The following MUC5AC variants were observed in gnomAD, a reference collection of about 807,000 sequenced individuals.
The protein encoded by MUC5AC is mucin 5AC, oligomeric mucus/gel-forming.
Under a neutral mutation model 169.7 loss-of-function variants are expected in MUC5AC, and 158 were observed. The ratio of observed to expected loss-of-function variants is 0.93; its 90% CI spans 0.82 to 1.06. MUC5AC has a LOEUF of 1.06. Among genes scored for constraint, MUC5AC ranks in the 50% least tolerant of loss-of-function variants. The pLI, the probability that MUC5AC is intolerant of heterozygous loss-of-function variation, is 0.00. For missense variants in MUC5AC, 4,359 were observed against 3,089.9 expected, an observed-to-expected ratio of 1.41 and a Z score of -9.74; for synonymous variants, 1,975 against 1,237.0, an observed-to-expected ratio of 1.60 and a Z score of -12.52.
rs1860904136 is a variant in MUC5AC, at chr11:1,185,118, A to C, written c.6973A>C (p.Thr2325Pro). The C allele has an allele frequency of 1.4e-6, 1 of 717,244 alleles. No individual in the cohort carries two copies. Among genetic ancestry groups the C allele is most frequent in the Admixed American group, 1.9e-5 (1 of 52,536 alleles). 44.4% of individuals were successfully genotyped at this position (717,244 alleles called of 1,614,324 possible). Residue 2325 changes from threonine to proline, a missense_variant, in exon 31 of 49, where the codon ACC (threonine) becomes CCC (proline). Physicochemically the swap from Thr to Pro is conservative, Grantham distance 38. Transcript: ENST00000621226. The part of the protein sequence containing the change: ...STISAPTTSI[T>P]SAPTTSTTSA... ...AATCTCTGCTCCTACAACTAGCATAACCTCTGCCCCTACAACCAGCACAAC... is the reference window on the plus strand; with the variant it reads ...AATCTCTGCTCCTACAACTAGCATACCCTCTGCCCCTACAACCAGCACAAC...
chr11:1,158,341 C>T (rs147593699), intron 1 of MUC5AC, among the ~76,000 whole-genome samples: 1,616 of 152,328 alleles, frequency 0.011, 10 homozygotes, highest in Non-Finnish European at 0.017. Flanking sequence ...CTTTCCCTCC[C>T]GGCCCGGATC....
rs1438022986 is a variant in MUC5AC, at chr11:1,185,816, C to T, written c.7671C>T (p.Thr2557=). The part of the protein sequence containing the change: ...STTSAPISST[T]SATTTSTTSG... ...CCTCTGCCCCTATAAGCAGCACAACCTCTGCCACTACAACCAGCACAACCT... is the reference window on the plus strand; with the variant it reads ...CCTCTGCCCCTATAAGCAGCACAACTTCTGCCACTACAACCAGCACAACCT... Residue 2557 remains threonine (T), a synonymous_variant, in exon 31 of 49, where the codon ACC becomes ACT. Transcript: ENST00000621226. 9 of 746,624 alleles carry T rather than the reference C, an allele frequency of 1.2e-5. No homozygotes were observed. The African/African-American group carries it at 1.5e-4, about 13-fold the overall frequency. 46.2% of individuals were successfully genotyped at this position (746,624 alleles called of 1,614,324 possible). A position where few individuals can be genotyped will look rare whatever the true frequency, so the allele number is the denominator to read the frequency against.
intron 15 of MUC5AC, 113 bp downstream of exon 15, chr11:1,169,139 G>A (rs1440717316): frequency 4.2e-6 from 6 of 1,416,704 alleles, no homozygotes; most frequent in East Asian, 2.6e-5. Flanking sequence ...GAGCCGGGTG[G>A]GGTGGCTCAC....
chr11:1,200,649 G>A lies in MUC5AC; in HGVS notation c.16912G>A (p.Glu5638Lys), dbSNP rs1159459483. Residue 5638 changes from glutamate to lysine, a missense_variant, in exon 49 of 49, where the codon GAG (glutamate) becomes AAG (lysine). Physicochemically the swap from Glu to Lys is moderately conservative, Grantham distance 56 (BLOSUM62 1). Coordinates refer to ENST00000621226, the MANE Select transcript of MUC5AC (RefSeq NM_001304359.2). ...GGAGGCGGAACCCGAGCCCAGCCAGGAGGCAGAGAGTGGGAGCTGGGAGAG... is the reference window on the plus strand; with the variant it reads ...GGAGGCGGAACCCGAGCCCAGCCAGAAGGCAGAGAGTGGGAGCTGGGAGAG... ...SEEAEPEPSQ[E>K]AESGSWERGV... 1.6e-5 allele frequency: 12 copies of A among 763,570 alleles called. No homozygotes were observed. The East Asian group carries it at 2.9e-4, about 19-fold the overall frequency. 47.3% of individuals were successfully genotyped at this position (763,570 alleles called of 1,614,324 possible). A position where few individuals can be genotyped will look rare whatever the true frequency, so the allele number is the denominator to read the frequency against.
intron 15 of MUC5AC, among the ~76,000 whole-genome samples, chr11:1,170,890 TCACTCACTCACC>T (rs1286256408): frequency 8.7e-6 from 1 of 114,292 alleles, no homozygotes; most frequent in East Asian, 3.6e-4. Context: ...CTCACTCACC[TCACTCACTCACC>T]CACTCACTCA....
intron 15 of MUC5AC, among the ~76,000 whole-genome samples, chr11:1,171,414 CCTCACTCA>C (rs1433058034): frequency 7.9e-6 from 1 of 127,374 alleles, no homozygotes; most frequent in African/African-American, 3.0e-5. Context: ...CACTCACTCA[CCTCACTCA>C]CTCACTCAAC....
intron 12 of MUC5AC, among the ~76,000 whole-genome samples, chr11:1,168,265 A>T (rs1203213172): frequency 1.3e-5 from 2 of 152,172 alleles, no homozygotes; most frequent in Non-Finnish European, 2.9e-5. Context: ...CACTGAAGTC[A>T]ATTTATGTTT....
At position 1,200,520 on chromosome 11, in the gene MUC5AC, C is replaced by T. The variant is rs967944098; in HGVS notation, c.16783C>T (p.His5595Tyr). The stretch of plus-strand genomic sequence containing the variant: ...GACCTCGCTGAGGAATGTGACCCTG[C>T]ACTGCACCGACGGCTCCAGCCGGGC... ...LRTSLRNVTL[H>Y]CTDGSSRAFS... The change falls in exon 49 of 49, where the codon CAC becomes TAC. Residue 5595 changes from histidine to tyrosine, a missense_variant. His to Tyr is a moderately conservative substitution (Grantham distance 83). Transcript: ENST00000621226. 1.3e-6 allele frequency: 1 copy of T among 759,540 alleles called. No homozygotes were observed. Among genetic ancestry groups the T allele is most frequent in the African/African-American group, 1.7e-5 (1 of 58,994 alleles). The allele number at this position is 759,540 out of a possible 1,614,324, so 47.1% of individuals were successfully genotyped here. A position where few individuals can be genotyped will look rare whatever the true frequency, so the allele number is the denominator to read the frequency against.
Position 1,164,167 on chromosome 11 carries a change from T to G in MUC5AC, c.851T>G (p.Val284Gly). 1 of 1,612,470 alleles carries G rather than the reference T, an allele frequency of 6.2e-7. No homozygotes were observed. The highest frequency in any genetic ancestry group is 1.7e-5 in the Admixed American group (1 of 60,010). The change falls in exon 8 of 49, where the codon GTC (valine) becomes GGC (glycine). Residue 284 changes from valine to glycine, a missense_variant. Val to Gly is a moderately radical substitution (Grantham distance 109, BLOSUM62 -3). Coordinates refer to ENST00000621226, the MANE Select transcript of MUC5AC (RefSeq NM_001304359.2). Reference protein sequence around the residue: ...LFSGCVALVDVGSYLEACRQD... With the variant: ...LFSGCVALVDGGSYLEACRQD... Reference sequence around the variant, plus strand: ...TCTGGCTGCGTGGCCCTGGTGGACGTCGGCAGCTACCTGGAGGCTTGCAGG... The same window carrying G: ...TCTGGCTGCGTGGCCCTGGTGGACGGCGGCAGCTACCTGGAGGCTTGCAGG...
At chr11:1,163,120 C>G in intron 6 of MUC5AC, 75 bp downstream of exon 6, 1 of 1,383,834 alleles carries the variant, frequency 7.2e-7, no homozygotes, top group Non-Finnish European at 1.0e-6. Flanking sequence ...CACACACCCT[C>G]TGACACTCCG....
chr11:1,199,314 A>G, intron 45 of MUC5AC, 57 bp from the exon 46 acceptor site: 1 of 699,406 alleles, frequency 1.4e-6, no homozygotes. Context: ...GCTGGGGTGC[A>G]GACAGAGGGA....
chr11:1,194,273 C>G lies in MUC5AC; in HGVS notation c.14919C>G (p.Leu4973=). 1 of 763,230 alleles carries G rather than the reference C, an allele frequency of 1.3e-6. No individual in the cohort carries two copies. Among genetic ancestry groups the G allele is most frequent in the South Asian group, 1.3e-5 (1 of 74,194 alleles). The allele number at this position is 763,230 out of a possible 1,614,324, so 47.3% of individuals were successfully genotyped here. ...ACTTCTGCGGTGCGGAGGACGGGCT[C>G]TCCTGCCCGAGGTCCATCATCCTGG... The part of the protein sequence containing the change: ...DNYFCGAEDG[L]SCPRSIILEY... The change falls in exon 34 of 49, where the codon CTC becomes CTG. Residue 4973 remains leucine (L), a synonymous_variant. Transcript: ENST00000621226.
At position 1,198,854 on chromosome 11, in the gene MUC5AC, G is replaced by A. The variant is rs968292067; in HGVS notation, c.16174-20G>A. ...CCAGGGCCCAAGCTCATGAGTGTCT[G>A]CTGCCCTGGCTCTCCCCAGCCCGGC... is the stretch of plus-strand genomic sequence containing the variant. On this transcript the variant is annotated intron_variant, in intron 43 of 48. Coordinates refer to ENST00000621226, the MANE Select transcript of MUC5AC (RefSeq NM_001304359.2). 3 of 720,114 alleles carry A rather than the reference G, an allele frequency of 4.2e-6. No individual in the cohort carries two copies. In the Admixed American group the frequency reaches 5.7e-5, roughly 14 times the overall value. 44.6% of individuals were successfully genotyped at this position (720,114 alleles called of 1,614,324 possible).
rs1860752975 is a variant in MUC5AC, at chr11:1,179,148, C to CG, written c.3389dup (p.Asp1131Ter). The CG allele has an allele frequency of 1.5e-6, 1 of 675,272 alleles. No individual in the cohort carries two copies. Among genetic ancestry groups the CG allele is most frequent in the African/African-American group, 1.8e-5 (1 of 56,600 alleles). The allele number at this position is 675,272 out of a possible 1,614,324, so 41.8% of individuals were successfully genotyped here. On this transcript the variant is annotated frameshift_variant, in exon 26 of 49. Transcript: ENST00000621226. LOFTEE classifies it high-confidence loss of function. ...TGAACGACGCGTGCGCCTGCGACTCCGGGGGTGACTGCGAGTGCTTCTGCA... is the reference window on the plus strand; with the variant it reads ...TGAACGACGCGTGCGCCTGCGACTCCGGGGGGTGACTGCGAGTGCTTCTGCA...
At chr11:1,195,583 A>G (rs1221306119) in intron 36 of MUC5AC, among the ~76,000 whole-genome samples, 1 of 151,854 alleles carries the variant, frequency 6.6e-6, no homozygotes, top group South Asian at 2.1e-4. Context: ...GGACGGGGGC[A>G]TCGGTCACCA....
At chr11:1,170,358 A>C in intron 15 of MUC5AC, among the ~76,000 whole-genome samples, 1 of 92,780 alleles carries the variant, frequency 1.1e-5, no homozygotes, top group African/African-American at 4.3e-5. Context: ...TTGCCCACTC[A>C]CTCACCTCAC....
chr11:1,165,807 G>T, intron 11 of MUC5AC, 47 bp downstream of exon 11: 1 of 1,606,252 alleles, frequency 6.2e-7, no homozygotes, highest in Non-Finnish European at 8.5e-7. Context: ...GGGGGCCCAT[G>T]GCCAGCCTCC....
rs1860701616 is a variant in MUC5AC at position 1,176,965 on chromosome 11, C to T, written c.2692C>T (p.Pro898Ser). 2.5e-6 allele frequency: 1 copy of T among 399,150 alleles called. No homozygotes were observed. The highest frequency in any genetic ancestry group is 4.4e-6 in the Non-Finnish European group (1 of 226,588). The allele number at this position is 399,150 out of a possible 1,614,324, so 24.7% of individuals were successfully genotyped here. Residue 898 changes from proline (P) to serine (S), a missense_variant, in exon 22 of 49, where the codon CCC (proline) becomes TCC (serine). Physicochemically the swap from Pro to Ser is moderately conservative, Grantham distance 74. Transcript: ENST00000621226. ...DSRMWRCTDDPCLATCAVYGD... is the reference protein window; with the variant it reads ...DSRMWRCTDDSCLATCAVYGD... Reference sequence around the variant, plus strand: ...CAGGATGTGGCGGTGCACAGATGACCCCTGCCTGGCCACCTGCGCCGTGTA... The same window carrying T: ...CAGGATGTGGCGGTGCACAGATGACTCCTGCCTGGCCACCTGCGCCGTGTA...
In MUC5AC at chr11:1,183,767, C is replaced by A; in HGVS notation, c.5622C>A (p.Thr1874=). The A allele has an allele frequency of 2.2e-6, 1 of 463,768 alleles. No homozygotes were observed. Among genetic ancestry groups the A allele is most frequent in the South Asian group, 6.1e-5 (1 of 16,452 alleles). 28.7% of individuals were successfully genotyped at this position (463,768 alleles called of 1,614,324 possible). Reference sequence around the variant, plus strand: ...CAACAACCTCCAAGACCACTGAAACCCAGGCCTCAGGCTCCTCAGCCCCCA... The same window carrying A: ...CAACAACCTCCAAGACCACTGAAACACAGGCCTCAGGCTCCTCAGCCCCCA... The part of the protein sequence containing the change: ...TPSTTSKTTE[T]QASGSSAPSS... The change falls in exon 31 of 49, where the codon ACC becomes ACA. Residue 1874 remains threonine, a synonymous_variant. Coordinates refer to ENST00000621226, the MANE Select transcript of MUC5AC (RefSeq NM_001304359.2).
Sources: allele counts gnomAD v4.1 joint callset (sites outside exome capture counted in the v4.1 genomes callset), GRCh38; gene constraint gnomAD v4.1.1; transcripts MANE v1.5; gene names NCBI Gene and HGNC (gene_info 2026-07-23, HGNC 2026-07-21).